The following MAPK10 variants were observed in gnomAD, a reference collection of about 807,000 sequenced individuals.
MAPK10 encodes mitogen-activated protein kinase 10, also known as JNK3 alpha protein kinase.
A neutral mutation model predicts 59.3 loss-of-function variants in MAPK10; 25 were observed. The ratio of observed to expected loss-of-function variants is 0.42; its 90% CI spans 0.31 to 0.59. The LOEUF (loss-of-function observed/expected upper bound fraction) is 0.59, where lower values mean the gene tolerates loss of function less well. Among genes scored for constraint, MAPK10 ranks in the 20% least tolerant of loss-of-function variants. The pLI, the probability that MAPK10 is intolerant of heterozygous loss-of-function variation, is 0.15. For missense variants in MAPK10, 351 were observed against 568.9 expected (o/e 0.62, Z 3.90); for synonymous variants, 190 against 200.5 (o/e 0.95, Z 0.44).
intron 2 of MAPK10, among the ~76,000 whole-genome samples, chr4:86,197,702 T>C (rs931939611): frequency 3.9e-5 from 6 of 152,122 alleles, no homozygotes; most frequent in Non-Finnish European, 7.4e-5. Context: ...AAGGTCTGAA[T>C]TGCAAGGAAA....
At chr4:86,436,049 T>C (rs1450530336) in intron 1 of MAPK10, among the ~76,000 whole-genome samples, 3 of 152,242 alleles carry the variant, frequency 2.0e-5, no homozygotes, top group Non-Finnish European at 4.4e-5. Context: ...AACTTCTTTT[T>C]TTCTTTACCT....
chr4:86,417,011 G>A (rs1487168213), intron 1 of MAPK10, among the ~76,000 whole-genome samples: 1 of 152,052 alleles, frequency 6.6e-6, no homozygotes, highest in Non-Finnish European at 1.5e-5. Flanking sequence ...AATACTCTAA[G>A]AGAACACCTG....
intron 1 of MAPK10, among the ~76,000 whole-genome samples, chr4:86,472,352 A>G (rs930053255): frequency 5.3e-5 from 8 of 152,212 alleles, no homozygotes; most frequent in African/African-American, 1.9e-4. Flanking sequence ...ATAATTATCC[A>G]TTTGTGAACA....
chr4:86,044,245 ATCATTT>A (rs1388003600), intron 11 of MAPK10, among the ~76,000 whole-genome samples: 14 of 152,168 alleles, frequency 9.2e-5, no homozygotes, highest in Non-Finnish European at 1.8e-4. Flanking sequence ...GTGCATATTT[ATCATTT>A]TCAATTAAAT....
intron 11 of MAPK10, among the ~76,000 whole-genome samples, chr4:86,050,346 A>G (rs1423605964): frequency 6.6e-6 from 1 of 152,164 alleles, no homozygotes; most frequent in African/African-American, 2.4e-5. Context: ...GAATTAGTCA[A>G]TCTTCAATGG....
intron 1 of MAPK10, among the ~76,000 whole-genome samples, chr4:86,428,924 C>T (rs1034765846): frequency 3.9e-5 from 6 of 152,222 alleles, no homozygotes; most frequent in African/African-American, 1.4e-4. Context: ...TTTCATCATC[C>T]TATTGAATTT....
intron 1 of MAPK10, among the ~76,000 whole-genome samples, chr4:86,385,122 A>G (rs1741298193): frequency 6.6e-6 from 1 of 152,114 alleles, no homozygotes; most frequent in Non-Finnish European, 1.5e-5. Flanking sequence ...TTCATTTACC[A>G]TTCCTTTACT....
intron 11 of MAPK10, among the ~76,000 whole-genome samples, chr4:86,037,121 T>C (rs1285257365): frequency 6.6e-6 from 1 of 152,228 alleles, no homozygotes; most frequent in East Asian, 1.9e-4. Context: ...ATAATAAATC[T>C]ATAGTTGAAA....
intron 2 of MAPK10, among the ~76,000 whole-genome samples, chr4:86,266,126 T>C (rs969335671): frequency 2.0e-5 from 3 of 152,160 alleles, no homozygotes; most frequent in African/African-American, 7.2e-5. Context: ...GAAATTTCCC[T>C]GAGGTGCTCA....
At chr4:86,189,649 CT>C (rs1294108647) in intron 3 of MAPK10, among the ~76,000 whole-genome samples, 2 of 152,164 alleles carry the variant, frequency 1.3e-5, no homozygotes, top group African/African-American at 4.8e-5. Flanking sequence ...AGATTTTGGA[CT>C]GAGATGATGA....
chr4:86,059,677 T>TGC (rs1181218468), intron 11 of MAPK10, among the ~76,000 whole-genome samples: 13 of 152,278 alleles, frequency 8.5e-5, no homozygotes, highest in African/African-American at 2.9e-4. Context: ...ACTGGCCCTG[T>TGC]TTACCAAATC....
At chr4:86,046,929 G>A (rs1346867816) in intron 11 of MAPK10, among the ~76,000 whole-genome samples, 1 of 152,044 alleles carries the variant, frequency 6.6e-6, no homozygotes, top group Admixed American at 6.6e-5. Flanking sequence ...TCTAGTTGAT[G>A]AGACAGATAA....
intron 1 of MAPK10, among the ~76,000 whole-genome samples, chr4:86,458,869 G>T (rs925273174): frequency 7.2e-5 from 11 of 152,186 alleles, no homozygotes; most frequent in Non-Finnish European, 1.6e-4. Context: ...AAGATTTCAT[G>T]ACCACGAACC....
chr4:86,392,134 C>G (rs1010121876), intron 1 of MAPK10, among the ~76,000 whole-genome samples: 2 of 152,192 alleles, frequency 1.3e-5, no homozygotes, highest in African/African-American at 2.4e-5. Flanking sequence ...GAAAATGAAG[C>G]CTATCAAGAG....
At chr4:86,416,899 G>A (rs1745928864) in intron 1 of MAPK10, among the ~76,000 whole-genome samples, 3 of 152,140 alleles carry the variant, frequency 2.0e-5, no homozygotes, top group African/African-American at 7.2e-5. Flanking sequence ...ACCATCTCAA[G>A]AGCCTCTCTC....
intron 1 of MAPK10, among the ~76,000 whole-genome samples, chr4:86,560,506 A>T (rs756759277): frequency 2.0e-5 from 3 of 152,184 alleles, no homozygotes; most frequent in Non-Finnish European, 2.9e-5. Flanking sequence ...TTTGTCACAT[A>T]CTCCCAAATA....
chr4:86,482,094 C>T (rs1201572619), intron 1 of MAPK10, among the ~76,000 whole-genome samples: 2 of 152,102 alleles, frequency 1.3e-5, no homozygotes, highest in Non-Finnish European at 2.9e-5. Flanking sequence ...AAAGAGGATA[C>T]ATTTTAAGTG....
chr4:86,075,474 G>A (rs1161150846), intron 9 of MAPK10, among the ~76,000 whole-genome samples: 3 of 152,078 alleles, frequency 2.0e-5, no homozygotes, highest in Non-Finnish European at 4.4e-5. Context: ...GATGCTCTGC[G>A]TTTTAGAGTT....
At chr4:86,549,675 C>G (rs1341933631) in intron 1 of MAPK10, among the ~76,000 whole-genome samples, 2 of 152,058 alleles carry the variant, frequency 1.3e-5, no homozygotes, top group African/African-American at 4.8e-5. Context: ...GATATACTTT[C>G]CTATTAATGA....
Sources: allele counts gnomAD v4.1 joint callset (sites outside exome capture counted in the v4.1 genomes callset), GRCh38; gene constraint gnomAD v4.1.1; transcripts MANE v1.5; gene names NCBI Gene and HGNC (gene_info 2026-07-23, HGNC 2026-07-21).